The following TUT4 variants were observed in gnomAD, a reference collection of about 807,000 sequenced individuals.
The protein encoded by TUT4 is terminal uridylyl transferase 4.
TUT4 carries 36 observed loss-of-function variants against 192.2 expected under a neutral mutation model. The observed-to-expected ratio is 0.19, with a 90% CI of 0.14 to 0.25. The LOEUF (loss-of-function observed/expected upper bound fraction) is 0.25. Ranked by LOEUF, TUT4 falls within the 10% of genes least tolerant of loss-of-function variation. TUT4 has a pLI of 1.00. For missense variants in TUT4, 1,493 were observed against 1,957.2 expected (o/e 0.76, Z 4.47); for synonymous variants, 618 against 666.0 (o/e 0.93, Z 1.11).
At position 52,446,556 on chromosome 1, in the gene TUT4, G is replaced by T. The variant is rs777388046; in HGVS notation, c.3513+34C>A. On this transcript the variant is annotated intron_variant, in intron 21 of 29. Coordinates refer to ENST00000257177, the MANE Select transcript of TUT4 (RefSeq NM_001009881.3). ...TACAGATGCTAACATATATCAGTGA[G>T]CATTCTAGAACATAAAGACTATTTT... 7.7e-6 allele frequency: 12 copies of T among 1,567,280 alleles called. 1 individual carries two copies. The South Asian group carries it at 1.4e-4, about 19-fold the overall frequency.
intron 20 of TUT4, among the ~76,000 whole-genome samples, chr1:52,455,885 C>T (rs1183501765): frequency 1.3e-5 from 2 of 152,058 alleles, no homozygotes; most frequent in Admixed American, 6.6e-5. Flanking sequence ...AACAGCTGGC[C>T]ATTTCTTACA....
At chr1:52,530,669 T>C (rs1268932777) in intron 1 of TUT4, among the ~76,000 whole-genome samples, 1 of 152,144 alleles carries the variant, frequency 6.6e-6, no homozygotes, top group Non-Finnish European at 1.5e-5. Context: ...AAAGATGTAA[T>C]TCCTAGAAAC....
At chr1:52,476,977 C>G (rs1667253592) in intron 12 of TUT4, among the ~76,000 whole-genome samples, 1 of 152,202 alleles carries the variant, frequency 6.6e-6, no homozygotes, top group Non-Finnish European at 1.5e-5. Flanking sequence ...GTCTTGGGAT[C>G]TGATGTGAAA....
chr1:52,451,842 CAA>C (rs757255301), intron 20 of TUT4, among the ~76,000 whole-genome samples: 11 of 84,498 alleles, frequency 1.3e-4, no homozygotes, highest in Admixed American at 2.6e-4. Context: ...GATTCCATCT[CAA>C]AAAAAAAAAA....
chr1:52,473,875 T>C (rs914112184), intron 13 of TUT4, among the ~76,000 whole-genome samples: 11 of 152,324 alleles, frequency 7.2e-5, no homozygotes, highest in African/African-American at 2.6e-4. Context: ...AATGGGTTTT[T>C]TCCTATGATT....
chr1:52,447,469 CA>C (rs1308778689), intron 20 of TUT4, among the ~76,000 whole-genome samples: 1 of 132,356 alleles, frequency 7.6e-6, no homozygotes, highest in Admixed American at 7.5e-5. Flanking sequence ...AACAAAAAAA[CA>C]AAAAAACAAA....
intron 24 of TUT4, among the ~76,000 whole-genome samples, chr1:52,443,433 A>C (rs1230031471): frequency 2.1e-5 from 3 of 146,110 alleles, no homozygotes; most frequent in African/African-American, 7.6e-5. Flanking sequence ...CTAAAAATAC[A>C]AAAAAATTAG....
intron 4 of TUT4, among the ~76,000 whole-genome samples, chr1:52,503,911 G>A (rs1166553561): frequency 1.3e-5 from 2 of 151,758 alleles, no homozygotes; most frequent in Non-Finnish European, 2.9e-5. Flanking sequence ...TACTCATTTG[G>A]TGACCTCATC....
chr1:52,475,470 C>T lies in TUT4; in HGVS notation c.2089G>A (p.Val697Met). 1 of 1,614,120 alleles carries T rather than the reference C, an allele frequency of 6.2e-7. No homozygotes were observed. Among genetic ancestry groups the T allele is most frequent in the Non-Finnish European group, 8.5e-7 (1 of 1,180,030 alleles). ...LNSQLVYEYV[V>M]ERFRAAYRYF... Reference sequence around the variant, plus strand: ...CGATAAGCTGCCCTAAATCTCTCCACAACATATTCGTAAACCAGCTGGCTG... The same window carrying T: ...CGATAAGCTGCCCTAAATCTCTCCATAACATATTCGTAAACCAGCTGGCTG... The change falls in exon 13 of 30, where the codon GTG becomes ATG. Residue 697 changes from valine (V) to methionine (M), a missense_variant. Val to Met is a conservative substitution (Grantham distance 21, BLOSUM62 1). Coordinates refer to ENST00000257177, the MANE Select transcript of TUT4 (RefSeq NM_001009881.3).
At chr1:52,510,655 AACTT>A (rs1180005750) in intron 3 of TUT4, among the ~76,000 whole-genome samples, 1 of 152,206 alleles carries the variant, frequency 6.6e-6, no homozygotes, top group African/African-American at 2.4e-5. Flanking sequence ...ATACTAATAA[AACTT>A]AGTAATTACT....
At chr1:52,428,260 G>A (rs562716316) in intron 28 of TUT4, among the ~76,000 whole-genome samples, 3 of 152,294 alleles carry the variant, frequency 2.0e-5, no homozygotes, top group African/African-American at 7.2e-5. Context: ...GGCCAAGGCA[G>A]GCGGATCATG....
At chr1:52,457,629 T>C (rs1390881187) in intron 20 of TUT4, among the ~76,000 whole-genome samples, 1 of 152,178 alleles carries the variant, frequency 6.6e-6, no homozygotes, top group African/African-American at 2.4e-5. Flanking sequence ...GTCTCCTAAA[T>C]AAAAATAGTC....
At chr1:52,486,801 A>T (rs1217001865) in intron 9 of TUT4, among the ~76,000 whole-genome samples, 2 of 152,204 alleles carry the variant, frequency 1.3e-5, no homozygotes, top group Non-Finnish European at 2.9e-5. Flanking sequence ...AAACACCATG[A>T]GCAACCTTTT....
intron 24 of TUT4, among the ~76,000 whole-genome samples, chr1:52,439,246 ATAAAT>A (rs1654788810): frequency 6.6e-6 from 1 of 152,176 alleles, no homozygotes; most frequent in Admixed American, 6.5e-5. Context: ...CTAAAAATAA[ATAAAT>A]TAACAACAAC....
chr1:52,431,660 A>C lies in TUT4; in HGVS notation c.4264-200T>G, dbSNP rs568585905. The C allele has an allele frequency of 3.3e-4, 129 of 386,242 alleles. 2 individuals carry two copies. The South Asian group carries it at 8.3e-3, about 25-fold the overall frequency. The allele number at this position is 386,242 out of a possible 1,614,324, so 23.9% of individuals were successfully genotyped here. ...TCACAAATCGTTTTATTGTCCAAAG[A>C]AACGAGAGCCCAGACATGGTTCCCA... On this transcript the variant is annotated intron_variant, in intron 27 of 29. Transcript: ENST00000257177.
intron 1 of TUT4, among the ~76,000 whole-genome samples, chr1:52,532,060 G>T (rs374762252): frequency 2.0e-5 from 3 of 151,624 alleles, no homozygotes; most frequent in African/African-American, 7.3e-5. Flanking sequence ...GCTAATTTTT[G>T]TATTTTTAGC....
chr1:52,524,564 T>C (rs1681195359), intron 2 of TUT4, among the ~76,000 whole-genome samples: 1 of 151,818 alleles, frequency 6.6e-6, no homozygotes, highest in Admixed American at 6.6e-5. Flanking sequence ...TCCCAGCATT[T>C]TGGGAGGCCA....
intron 1 of TUT4, among the ~76,000 whole-genome samples, chr1:52,551,571 CTTT>C (rs541340086): frequency 6.6e-6 from 1 of 152,196 alleles, no homozygotes; most frequent in Non-Finnish European, 1.5e-5. Context: ...TTAAGCACAG[CTTT>C]TTAAGAGAAT....
In TUT4 at chr1:52,474,950, G is replaced by C. The variant is rs1234643894; in HGVS notation, c.2609C>G (p.Ser870Cys). ...AGCTTTGCAGTTGCAAGAGGTAGCAGATGTGTCGGTGCACACACTCTGATG... is the reference window on the plus strand; with the variant it reads ...AGCTTTGCAGTTGCAAGAGGTAGCACATGTGTCGGTGCACACACTCTGATG... ...SSHQSVCTDT[S>C]ATSCNCKATE... The change falls in exon 13 of 30, where the codon TCT (serine) becomes TGT (cysteine). Residue 870 changes from serine (S) to cysteine (C), a missense_variant. Coordinates refer to ENST00000257177, the MANE Select transcript of TUT4 (RefSeq NM_001009881.3). 6.2e-7 allele frequency: 1 copy of C among 1,614,184 alleles called. No individual in the cohort carries two copies.
Sources: gnomAD v4.1 joint callset for allele counts (sites outside exome capture counted in the v4.1 genomes callset) on GRCh38, gnomAD v4.1.1 for gene constraint, MANE v1.5 for transcripts, NCBI Gene and HGNC (gene_info 2026-07-23, HGNC 2026-07-21) for gene names.